Variants in BBS9 observed in about 807,000 individuals in gnomAD.
BBS9 encodes the protein Bardet-Biedl syndrome 9.
Under a neutral mutation model 117.7 loss-of-function variants are expected in BBS9, and 89 were observed. That is an observed-to-expected ratio of 0.76 (90% CI 0.64 to 0.90). The LOEUF (loss-of-function observed/expected upper bound fraction) is 0.90, where lower values mean the gene tolerates loss of function less well. Among genes scored for constraint, BBS9 ranks in the 40% least tolerant of loss-of-function variants. BBS9 has a pLI of 0.00. For synonymous variants in BBS9, 379 were observed against 370.9 expected, an observed-to-expected ratio of 1.02 and a Z score of -0.25; for missense variants, 982 against 1,042.2, an observed-to-expected ratio of 0.94 and a Z score of 0.80.
rs1815384166 is a variant in BBS9, at chr7:33,336,499, C to T, written c.1075C>T (p.Leu359=). 6.2e-7 allele frequency: 1 copy of T among 1,613,700 alleles called. No homozygotes were observed. The highest frequency in any genetic ancestry group is 8.5e-7 in the Non-Finnish European group (1 of 1,179,776). Residue 359 remains leucine, a synonymous_variant, in exon 10 of 23, where the codon CTG becomes TTG. Coordinates refer to ENST00000242067, the MANE Select transcript of BBS9 (RefSeq NM_198428.3). ...SDDGHLQCSY[L]GTDPSLFQAP... The stretch of plus-strand genomic sequence containing the variant: ...TGATGGTCACTTGCAGTGTTCATAC[C>T]TGGGGACAGATCCTTCTCTGTTCCA...
chr7:33,569,708 G>C lies in BBS9; in HGVS notation c.2522-35157G>C, dbSNP rs537260171. Among the ~76,000 whole-genome samples, 200 of 152,088 alleles carry C rather than the reference G, an allele frequency of 1.3e-3. 1 individual carries two copies. The highest frequency in any genetic ancestry group is 2.2e-3 in the Non-Finnish European group (147 of 68,024). On this transcript the variant is annotated intron_variant, in intron 21 of 22. Transcript: ENST00000242067. The stretch of plus-strand genomic sequence containing the variant: ...ACCCGGGAGGAGGAAATTGCAATGA[G>C]CCGAGATCGCGCCACTGCACTCCAG...
intron 19 of BBS9, among the ~76,000 whole-genome samples, chr7:33,398,544 C>T (rs776721347): frequency 1.6e-4 from 25 of 152,086 alleles, no homozygotes; most frequent in Non-Finnish European, 2.6e-4. Context: ...AGAGTAATCT[C>T]CAAAGAGTGT....
chr7:33,405,935 T>C (rs1450810385), intron 19 of BBS9, among the ~76,000 whole-genome samples: 1 of 145,940 alleles, frequency 6.9e-6, no homozygotes, highest in Admixed American at 6.7e-5. Flanking sequence ...AATTGTGATA[T>C]TAGGGTGTCA....
At chr7:33,307,872 C>T (rs1808364609) in intron 9 of BBS9, among the ~76,000 whole-genome samples, 1 of 151,456 alleles carries the variant, frequency 6.6e-6, no homozygotes, top group South Asian at 2.1e-4. Flanking sequence ...CTAATTAATT[C>T]CTCGGCTGTA....
At chr7:33,229,017 A>C (rs557663550) in intron 5 of BBS9, among the ~76,000 whole-genome samples, 12 of 152,216 alleles carry the variant, frequency 7.9e-5, no homozygotes, top group Non-Finnish European at 1.8e-4. Flanking sequence ...ATTAAAATTG[A>C]GGATGAAGAC....
chr7:33,474,809 G>A (rs761843043), intron 19 of BBS9, among the ~76,000 whole-genome samples: 2 of 152,158 alleles, frequency 1.3e-5, no homozygotes, highest in Admixed American at 6.5e-5. Flanking sequence ...AGCTGGGTGT[G>A]GTGGCAGGCA....
chr7:33,456,347 A>G (rs1838655298), intron 19 of BBS9, among the ~76,000 whole-genome samples: 1 of 152,186 alleles, frequency 6.6e-6, no homozygotes, highest in African/African-American at 2.4e-5. Context: ...AGAAAACATC[A>G]TTTACAATGT....
intron 6 of BBS9, among the ~76,000 whole-genome samples, chr7:33,262,955 AG>A (rs1418772963): frequency 1.3e-5 from 2 of 152,190 alleles, no homozygotes; most frequent in African/African-American, 4.8e-5. Flanking sequence ...AGTTATACTT[AG>A]CTGTCTGTAT....
At chr7:33,553,877 C>T (rs1003789173) in intron 21 of BBS9, among the ~76,000 whole-genome samples, 10 of 151,772 alleles carry the variant, frequency 6.6e-5, no homozygotes, top group South Asian at 2.1e-4. Context: ...GGGGATGAGC[C>T]GGATAATAAA....
chr7:33,396,976 C>T (rs558021512), intron 19 of BBS9, among the ~76,000 whole-genome samples: 1 of 152,244 alleles, frequency 6.6e-6, no homozygotes, highest in Non-Finnish European at 1.5e-5. Flanking sequence ...TGGACCTCTT[C>T]CTTACACCAA....
At chr7:33,428,795 A>T (rs755138452) in intron 19 of BBS9, among the ~76,000 whole-genome samples, 1 of 152,192 alleles carries the variant, frequency 6.6e-6, no homozygotes, top group African/African-American at 2.4e-5. Flanking sequence ...GTTTATACAT[A>T]ATTGTTTAAT....
At chr7:33,510,607 A>G (rs930964295) in intron 20 of BBS9, among the ~76,000 whole-genome samples, 2 of 152,120 alleles carry the variant, frequency 1.3e-5, no homozygotes, top group Non-Finnish European at 2.9e-5. Flanking sequence ...TCCTTTGTGG[A>G]TTTACTTTAA....
At chr7:33,203,412 G>A (rs1054458765) in intron 5 of BBS9, among the ~76,000 whole-genome samples, 4 of 152,122 alleles carry the variant, frequency 2.6e-5, no homozygotes, top group East Asian at 1.9e-4. Flanking sequence ...TACTACTGGC[G>A]TGGGGAACCA....
At chr7:33,529,839 A>C (rs80279144) in intron 20 of BBS9, among the ~76,000 whole-genome samples, 1 of 152,240 alleles carries the variant, frequency 6.6e-6, no homozygotes, top group Non-Finnish European at 1.5e-5. Context: ...TAAGACAAAA[A>C]TACTAGTATG....
At chr7:33,417,487 T>C (rs1160040078) in intron 19 of BBS9, among the ~76,000 whole-genome samples, 1 of 152,246 alleles carries the variant, frequency 6.6e-6, no homozygotes, top group Non-Finnish European at 1.5e-5. Flanking sequence ...TGTCATTCAA[T>C]GCAATCTAAG....
At chr7:33,397,582 G>A (rs1415218253) in intron 19 of BBS9, among the ~76,000 whole-genome samples, 1 of 152,158 alleles carries the variant, frequency 6.6e-6, no homozygotes, top group Non-Finnish European at 1.5e-5. Flanking sequence ...GCCCATCAAT[G>A]ATAGAGTAGA....
chr7:33,243,072 T>C (rs1562864896), intron 5 of BBS9: 2 of 489,760 alleles, frequency 4.1e-6, no homozygotes, highest in Non-Finnish European at 8.2e-6. Flanking sequence ...GACCACGTTG[T>C]AAATGGCTAT....
intron 9 of BBS9, among the ~76,000 whole-genome samples, chr7:33,303,531 C>CGT (rs1554406659): frequency 8.3e-6 from 1 of 120,772 alleles, no homozygotes; most frequent in Non-Finnish European, 1.7e-5. Flanking sequence ...CTCCCCCCGC[C>CGT]CCTTCTTTCT....
At chr7:33,508,382 TC>T (rs1231834485) in intron 20 of BBS9, among the ~76,000 whole-genome samples, 4 of 152,300 alleles carry the variant, frequency 2.6e-5, no homozygotes, top group African/African-American at 9.6e-5. Flanking sequence ...TTGCCTTCCT[TC>T]TTTATTCAAA....
Sources: allele counts gnomAD v4.1 joint callset (sites outside exome capture counted in the v4.1 genomes callset), GRCh38; gene constraint gnomAD v4.1.1; transcripts MANE v1.5; gene names NCBI Gene and HGNC (gene_info 2026-07-23, HGNC 2026-07-21).